PDE4B: variants seen among roughly 807,000 people sequenced by gnomAD.
PDE4B encodes phosphodiesterase 4B.
A neutral mutation model predicts 82.2 loss-of-function variants in PDE4B; 20 were observed. The observed-to-expected ratio is 0.24, with a 90% CI of 0.17 to 0.35. PDE4B has a LOEUF of 0.35. PDE4B is among the 10% of genes least tolerant of loss of function. PDE4B has a pLI of 1.00. For synonymous variants in PDE4B, 320 were observed against 318.9 expected, an observed-to-expected ratio of 1.00 and a Z score of -0.04; for missense variants, 655 against 907.2, an observed-to-expected ratio of 0.72 and a Z score of 3.57.
At chr1:66,029,689 G>T (rs1653655376) in intron 3 of PDE4B, among the ~76,000 whole-genome samples, 1 of 152,006 alleles carries the variant, frequency 6.6e-6, no homozygotes, top group Admixed American at 6.6e-5. Context: ...ATAATAATAA[G>T]CACTACTGAC....
chr1:66,134,080 G>A (rs929872560), intron 3 of PDE4B, among the ~76,000 whole-genome samples: 2 of 151,504 alleles, frequency 1.3e-5, no homozygotes, highest in East Asian at 3.9e-4. Flanking sequence ...TGCCCTTAAA[G>A]AGTGGAATCT....
intron 3 of PDE4B, among the ~76,000 whole-genome samples, chr1:66,075,478 T>C (rs1656377564): frequency 6.6e-6 from 1 of 152,148 alleles, no homozygotes. Context: ...TTTGTGGAAT[T>C]AGAAAAGGTT....
At chr1:65,884,126 G>A (rs1646742595) in intron 1 of PDE4B, among the ~76,000 whole-genome samples, 1 of 151,880 alleles carries the variant, frequency 6.6e-6, no homozygotes, top group South Asian at 2.1e-4. Context: ...CTCTTTTTTG[G>A]TTGTGTCTCT....
At chr1:66,212,793 G>A (rs960489131) in intron 3 of PDE4B, among the ~76,000 whole-genome samples, 2 of 152,046 alleles carry the variant, frequency 1.3e-5, no homozygotes, top group East Asian at 1.9e-4. Context: ...TACAACCCCC[G>A]ACATGGCATC....
chr1:66,272,779 C>CTTTTTTTT (rs869201227), intron 7 of PDE4B, among the ~76,000 whole-genome samples: 11 of 61,670 alleles, frequency 1.8e-4, no homozygotes, highest in South Asian at 8.1e-4. Flanking sequence ...TACTAGAATT[C>CTTTTTTTT]TTTTTTTTTT....
At chr1:66,345,909 C>T (rs550194549) in intron 8 of PDE4B, among the ~76,000 whole-genome samples, 5 of 152,310 alleles carry the variant, frequency 3.3e-5, no homozygotes, top group African/African-American at 1.2e-4. Flanking sequence ...CCAGTGCTTT[C>T]TTCCTGTGAG....
intron 3 of PDE4B, among the ~76,000 whole-genome samples, chr1:66,219,456 A>G (rs998081837): frequency 6.6e-6 from 1 of 152,118 alleles, no homozygotes; most frequent in South Asian, 2.1e-4. Context: ...AGTTGTGAAG[A>G]TGTGCTATCT....
intron 3 of PDE4B, among the ~76,000 whole-genome samples, chr1:66,222,467 C>T (rs562272527): frequency 7.2e-5 from 11 of 152,298 alleles, no homozygotes; most frequent in South Asian, 4.1e-4. Flanking sequence ...AAGTTGATTC[C>T]TTTCTACTAT....
rs561065275 is a variant in PDE4B, at chr1:65,817,588, A to G, written c.-71+24340A>G. Among the ~76,000 whole-genome samples, 20 of 152,262 alleles carry G rather than the reference A, an allele frequency of 1.3e-4. 1 individual carries two copies. The highest frequency in any genetic ancestry group is 1.3e-3 in the Admixed American group (20 of 15,294). ...TGCAACTCTTATTGATGTGTTGACC[A>G]GACTCTATATCTAAATTCGTTGTTT... On this transcript the variant is annotated intron_variant, in intron 1 of 16. Transcript: ENST00000341517.
intron 12 of PDE4B, among the ~76,000 whole-genome samples, chr1:66,365,267 T>G (rs1663152148): frequency 2.0e-5 from 3 of 152,196 alleles, no homozygotes; most frequent in Admixed American, 2.0e-4. Context: ...GTTATTCAGC[T>G]AAGAGTATAT....
intron 3 of PDE4B, chr1:65,992,864 G>T (rs370243912): frequency 4.4e-6 from 7 of 1,597,586 alleles, no homozygotes; most frequent in Non-Finnish European, 6.0e-6. Flanking sequence ...CTATGTTTGA[G>T]ATTTTTGTTT....
chr1:66,232,751 A>G (rs187598307), intron 3 of PDE4B, among the ~76,000 whole-genome samples: 3 of 152,330 alleles, frequency 2.0e-5, no homozygotes, highest in African/African-American at 4.8e-5. Flanking sequence ...AGAATTGACC[A>G]TTGGTTTGGA....
At chr1:65,877,199 C>G (rs961409802) in intron 1 of PDE4B, among the ~76,000 whole-genome samples, 1 of 152,198 alleles carries the variant, frequency 6.6e-6, no homozygotes, top group African/African-American at 2.4e-5. Flanking sequence ...GGTACCAAAA[C>G]AGACATATAG....
intron 3 of PDE4B, among the ~76,000 whole-genome samples, chr1:66,245,529 G>A (rs1653240743): frequency 6.6e-6 from 1 of 152,218 alleles, no homozygotes; most frequent in Non-Finnish European, 1.5e-5. Flanking sequence ...TCTCACCCAA[G>A]GGAAGTTTGC....
At chr1:66,135,370 T>C (rs997152404) in intron 3 of PDE4B, among the ~76,000 whole-genome samples, 1 of 152,190 alleles carries the variant, frequency 6.6e-6, no homozygotes, top group Non-Finnish European at 1.5e-5. Context: ...CAGCAGTTAA[T>C]TTGAGTTATC....
chr1:65,884,265 T>C (rs962785626), intron 1 of PDE4B, among the ~76,000 whole-genome samples: 1 of 152,136 alleles, frequency 6.6e-6, no homozygotes, highest in South Asian at 2.1e-4. Context: ...TGGTAGAATT[T>C]GGCTGTGAAT....
intron 3 of PDE4B, among the ~76,000 whole-genome samples, chr1:65,932,568 A>G (rs1647899061): frequency 6.6e-6 from 1 of 152,140 alleles, no homozygotes; most frequent in Non-Finnish European, 1.5e-5. Flanking sequence ...AGGAAAATAA[A>G]AATAACATGG....
At chr1:66,019,969 G>T (rs1652996623) in intron 3 of PDE4B, among the ~76,000 whole-genome samples, 1 of 152,194 alleles carries the variant, frequency 6.6e-6, no homozygotes, top group Admixed American at 6.5e-5. Flanking sequence ...CAGTCAACAA[G>T]AATTCACTGG....
At chr1:66,199,739 A>G (rs1401090073) in intron 3 of PDE4B, among the ~76,000 whole-genome samples, 1 of 152,218 alleles carries the variant, frequency 6.6e-6, no homozygotes, top group Non-Finnish European at 1.5e-5. Flanking sequence ...TTCCAGCTCC[A>G]TAAAAATTAA....
Sources: gnomAD v4.1 joint callset for allele counts (sites outside exome capture counted in the v4.1 genomes callset) on GRCh38, gnomAD v4.1.1 for gene constraint, MANE v1.5 for transcripts, NCBI Gene and HGNC (gene_info 2026-07-23, HGNC 2026-07-21) for gene names.